Variants in NLGN1 observed in about 807,000 individuals in gnomAD.
NLGN1 encodes the protein neuroligin 1.
Under a neutral mutation model 65.5 loss-of-function variants are expected in NLGN1, and 12 were observed. The ratio of observed to expected loss-of-function variants is 0.18; its 90% CI spans 0.12 to 0.30. The LOEUF is 0.30. NLGN1 is among the 10% of genes least tolerant of loss of function. The probability of loss-of-function intolerance (pLI) is 1.00; values close to 1 mark genes in which losing one functional copy is unlikely to be tolerated. For synonymous variants in NLGN1, 350 were observed against 359.5 expected (o/e 0.97, Z 0.30); for missense variants, 750 against 1,007.1 (o/e 0.74, Z 3.46).
intron 4 of NLGN1, among the ~76,000 whole-genome samples, chr3:173,837,534 A>G (rs575287503): frequency 6.6e-6 from 1 of 152,284 alleles, no homozygotes; most frequent in East Asian, 1.9e-4. Context: ...TTAATGTACA[A>G]TATGTTGAGT....
chr3:173,937,560 A>C (rs1042023889), intron 4 of NLGN1, among the ~76,000 whole-genome samples: 2 of 152,154 alleles, frequency 1.3e-5, no homozygotes, highest in Admixed American at 6.6e-5. Flanking sequence ...TTTTAAAATT[A>C]ATTGCAATGG....
chr3:173,924,498 C>G (rs77704879), intron 4 of NLGN1, among the ~76,000 whole-genome samples: 21 of 151,852 alleles, frequency 1.4e-4, no homozygotes, highest in Non-Finnish European at 2.8e-4. Context: ...ATTAGGTATG[C>G]CTGTAGTCCA....
chr3:173,669,512 A>C (rs1762174461), intron 3 of NLGN1, among the ~76,000 whole-genome samples: 1 of 152,098 alleles, frequency 6.6e-6, no homozygotes, highest in African/African-American at 2.4e-5. Flanking sequence ...CTGTCTCTCC[A>C]CTTGGCTTTC....
At chr3:173,757,576 G>A (rs549365237) in intron 3 of NLGN1, among the ~76,000 whole-genome samples, 4 of 152,046 alleles carry the variant, frequency 2.6e-5, no homozygotes, top group Middle Eastern at 6.8e-3. Flanking sequence ...CAAAGAAGGT[G>A]GATGGGAAAA....
chr3:173,665,169 G>T (rs1761523674), intron 3 of NLGN1, among the ~76,000 whole-genome samples: 3 of 152,112 alleles, frequency 2.0e-5, no homozygotes, highest in Non-Finnish European at 2.9e-5. Context: ...CCATGTGTTG[G>T]GGAAGGGACC....
At chr3:174,161,834 G>A (rs2152721625) in intron 4 of NLGN1, among the ~76,000 whole-genome samples, 1 of 151,938 alleles carries the variant, frequency 6.6e-6, no homozygotes, top group Admixed American at 6.6e-5. Context: ...ACTTTCTCAA[G>A]TTTTAAGACT....
intron 4 of NLGN1, among the ~76,000 whole-genome samples, chr3:173,874,666 C>T (rs768788121): frequency 3.3e-5 from 5 of 152,058 alleles, no homozygotes; most frequent in Non-Finnish European, 7.4e-5. Context: ...TAATTTTCCC[C>T]CTCATCCAAG....
intron 4 of NLGN1, among the ~76,000 whole-genome samples, chr3:173,965,131 T>G (rs1392148506): frequency 6.6e-6 from 1 of 152,120 alleles, no homozygotes; most frequent in Admixed American, 6.5e-5. Context: ...ACTGTATCCT[T>G]TCCTACCCCT....
chr3:173,776,712 C>T (rs919166994), intron 3 of NLGN1, among the ~76,000 whole-genome samples: 12 of 151,860 alleles, frequency 7.9e-5, no homozygotes, highest in Non-Finnish European at 1.5e-4. Flanking sequence ...TATTTTCCTC[C>T]GTATATAAAA....
At chr3:173,438,524 A>G (rs1022221806) in intron 2 of NLGN1, among the ~76,000 whole-genome samples, 7 of 152,178 alleles carry the variant, frequency 4.6e-5, no homozygotes, top group Non-Finnish European at 1.0e-4. Context: ...TATGCAATAT[A>G]GTGCTCTTAT....
intron 4 of NLGN1, among the ~76,000 whole-genome samples, chr3:174,198,081 T>G (rs540269897): frequency 2.0e-5 from 3 of 152,266 alleles, no homozygotes; most frequent in Admixed American, 6.5e-5. Flanking sequence ...ATTATTAATC[T>G]CTAAGAACAT....
At chr3:173,417,792 A>C (rs1373563757) in intron 1 of NLGN1, among the ~76,000 whole-genome samples, 2 of 152,012 alleles carry the variant, frequency 1.3e-5, no homozygotes, top group Non-Finnish European at 2.9e-5. Flanking sequence ...TGAATGCACA[A>C]TATGAAATAT....
intron 4 of NLGN1, among the ~76,000 whole-genome samples, chr3:173,843,030 C>T (rs1026400205): frequency 6.6e-6 from 1 of 152,174 alleles, no homozygotes; most frequent in African/African-American, 2.4e-5. Flanking sequence ...GTGGAAGTTC[C>T]CAAACCCCAA....
intron 4 of NLGN1, among the ~76,000 whole-genome samples, chr3:173,853,191 A>G (rs1727309651): frequency 6.6e-6 from 1 of 152,232 alleles, no homozygotes. Flanking sequence ...GTGCCAGCAC[A>G]GACAGGATAA....
intron 3 of NLGN1, chr3:173,685,574 A>T: frequency 1.1e-6 from 1 of 879,456 alleles, no homozygotes; most frequent in Non-Finnish European, 1.4e-6. Flanking sequence ...ATCAAATCCC[A>T]GGAAAAGAGG....
chr3:173,855,487 A>G (rs1727777227), intron 4 of NLGN1, among the ~76,000 whole-genome samples: 2 of 152,114 alleles, frequency 1.3e-5, no homozygotes, highest in African/African-American at 4.8e-5. Flanking sequence ...GTTTTATTGC[A>G]CCGAGCCCTA....
At chr3:174,230,403 G>A (rs1663167914) in intron 4 of NLGN1, among the ~76,000 whole-genome samples, 1 of 152,114 alleles carries the variant, frequency 6.6e-6, no homozygotes, top group African/African-American at 2.4e-5. Context: ...AATACCCAGT[G>A]CCAAGAGTAA....
chr3:174,180,704 T>C (rs1040970318), intron 4 of NLGN1: 5 of 152,120 alleles, frequency 3.3e-5, no homozygotes, highest in African/African-American at 1.2e-4. Context: ...GATAGATGTG[T>C]TCTTGTGTGT....
intron 3 of NLGN1, among the ~76,000 whole-genome samples, chr3:173,749,223 C>T (rs888492512): frequency 2.6e-5 from 4 of 151,934 alleles, no homozygotes; most frequent in African/African-American, 4.8e-5. Context: ...GGAAACTTAG[C>T]ATAAAGCCAC....
Sources: allele counts gnomAD v4.1 joint callset (sites outside exome capture counted in the v4.1 genomes callset), GRCh38; gene constraint gnomAD v4.1.1; transcripts MANE v1.5; gene names NCBI Gene and HGNC (gene_info 2026-07-23, HGNC 2026-07-21).